Variants in UBE3D observed in about 807,000 individuals in gnomAD.
UBE3D encodes the protein ubiquitin protein ligase E3D.
Under a neutral mutation model 49.6 loss-of-function variants are expected in UBE3D, and 48 were observed. The ratio of observed to expected loss-of-function variants is 0.97; its 90% confidence interval spans 0.77 to 1.23. The LOEUF (loss-of-function observed/expected upper bound fraction) is 1.23. Ranked by LOEUF, UBE3D falls within the 50% of genes most tolerant of loss-of-function variation. UBE3D has a pLI of 0.00. For synonymous variants in UBE3D, 189 were observed against 174.2 expected (o/e 1.08, Z -0.67); for missense variants, 452 against 468.4 (o/e 0.96, Z 0.32).
rs7766078 is a variant in UBE3D, at chr6:83,025,972, A to G, written c.668-1934T>C. On this transcript the variant is annotated intron_variant, in intron 5 of 9. Coordinates refer to ENST00000369747, the MANE Select transcript of UBE3D (RefSeq NM_198920.3). ...AAGAATTTATTTCAAAAAAATACTC[A>G]CTGGTATATGAAAACACTTATCTAT... is the stretch of plus-strand genomic sequence containing the variant. Among the ~76,000 whole-genome samples the G allele has an allele frequency of 2.9e-3, 441 of 151,756 alleles. 4 individuals carry two copies. Among genetic ancestry groups the G allele is most frequent in the African/African-American group, 9.6e-3 (398 of 41,284 alleles).
At chr6:82,996,551 T>C (rs1232370508) in intron 8 of UBE3D, among the ~76,000 whole-genome samples, 2 of 152,110 alleles carry the variant, frequency 1.3e-5, no homozygotes, top group African/African-American at 4.8e-5. Flanking sequence ...CTGGATTTAG[T>C]GACTCAATTC....
the UBE3D span, among the ~76,000 whole-genome samples, chr6:82,887,216 G>T: frequency 6.6e-6 from 1 of 151,208 alleles, no homozygotes; most frequent in South Asian, 2.1e-4. Flanking sequence ...CTACTTGGGA[G>T]GCTGAGGCAG....
At chr6:82,963,400 G>A (rs1021720300) in intron 8 of UBE3D, among the ~76,000 whole-genome samples, 5 of 152,044 alleles carry the variant, frequency 3.3e-5, no homozygotes, top group Non-Finnish European at 7.4e-5. Context: ...GTTCTCTAGA[G>A]AAACAGAACT....
intron 3 of UBE3D, among the ~76,000 whole-genome samples, chr6:83,053,552 TA>T (rs540951692): frequency 2.6e-5 from 4 of 151,958 alleles, no homozygotes; most frequent in Non-Finnish European, 5.9e-5. Context: ...TTAGGGACTG[TA>T]AAAAAACCCA....
chr6:82,956,221 G>A (rs1776146371), intron 9 of UBE3D, among the ~76,000 whole-genome samples: 2 of 152,154 alleles, frequency 1.3e-5, no homozygotes, highest in Non-Finnish European at 2.9e-5. Flanking sequence ...AACAACCCAT[G>A]TTTATTTATT....
At chr6:83,015,212 A>G (rs918873584) in intron 8 of UBE3D, among the ~76,000 whole-genome samples, 3 of 152,128 alleles carry the variant, frequency 2.0e-5, no homozygotes, top group African/African-American at 7.2e-5. Flanking sequence ...GCCTTCACAA[A>G]TCTACTTCAC....
intron 1 of UBE3D, among the ~76,000 whole-genome samples, chr6:83,062,593 T>A (rs752439517): frequency 3.3e-5 from 5 of 152,140 alleles, no homozygotes; most frequent in African/African-American, 9.7e-5. Flanking sequence ...CTATAAAATA[T>A]ACTAAACATT....
chr6:83,006,395 A>C (rs1383699211), intron 8 of UBE3D, among the ~76,000 whole-genome samples: 1 of 152,146 alleles, frequency 6.6e-6, no homozygotes, highest in African/African-American at 2.4e-5. Context: ...TGGAGATAGG[A>C]GGTCATTAAG....
At chr6:82,901,080 A>G (rs1771696810) in intron 9 of UBE3D, among the ~76,000 whole-genome samples, 1 of 152,218 alleles carries the variant, frequency 6.6e-6, no homozygotes, top group Non-Finnish European at 1.5e-5. Context: ...CTTAGGGATA[A>G]CTACTATTAA....
At chr6:82,957,132 AAAACAAAC>A (rs534791837) in intron 9 of UBE3D, among the ~76,000 whole-genome samples, 172 bp downstream of exon 9, 32 of 152,248 alleles carry the variant, frequency 2.1e-4, no homozygotes, top group African/African-American at 7.2e-4. Context: ...CTGCCTCCAA[AAAACAAAC>A]AAACAAACAA....
intron 9 of UBE3D, among the ~76,000 whole-genome samples, chr6:82,934,745 T>G (rs1255414879): frequency 2.6e-5 from 4 of 151,134 alleles, no homozygotes; most frequent in Non-Finnish European, 5.9e-5. Flanking sequence ...TAGGCTATGT[T>G]AATATCTTCA....
At chr6:82,943,171 T>C (rs763893118) in intron 9 of UBE3D, among the ~76,000 whole-genome samples, 6 of 152,212 alleles carry the variant, frequency 3.9e-5, no homozygotes, top group Non-Finnish European at 8.8e-5. Flanking sequence ...TGTAGCCCCT[T>C]TGTTTTGGCC....
At chr6:83,064,023 A>G (rs1356049947) in intron 1 of UBE3D, among the ~76,000 whole-genome samples, 1 of 152,230 alleles carries the variant, frequency 6.6e-6, no homozygotes, top group East Asian at 1.9e-4. Context: ...GAATTGTGGT[A>G]TATTCATACA....
intron 9 of UBE3D, among the ~76,000 whole-genome samples, chr6:82,907,355 A>C (rs1355542436): frequency 3.3e-5 from 5 of 152,220 alleles, no homozygotes; most frequent in African/African-American, 1.2e-4. Context: ...CTCTAAACTC[A>C]CAGGATGTTT....
At chr6:82,941,441 GAA>G (rs1202069411) in intron 9 of UBE3D, among the ~76,000 whole-genome samples, 2 of 151,730 alleles carry the variant, frequency 1.3e-5, no homozygotes, top group Middle Eastern at 3.4e-3. Flanking sequence ...AAAGTATATA[GAA>G]AAAAAAGAGT....
Position 83,025,299 on chromosome 6 carries a change from T to C in UBE3D, c.668-1261A>G, listed in dbSNP as rs367731810. On this transcript the variant is annotated intron_variant, in intron 5 of 9. Transcript: ENST00000369747. ...GATATACAATTCTCACTAAATCTGG[T>C]TATCTGATTGCTTACAGAAAAATTT... Among the ~76,000 whole-genome samples, 3 of 152,356 alleles carry C rather than the reference T, an allele frequency of 2.0e-5. No homozygotes were observed. In the East Asian group the frequency reaches 5.8e-4, roughly 29 times the overall value.
At chr6:83,040,762 G>A (rs778083561) in intron 4 of UBE3D, among the ~76,000 whole-genome samples, 1 of 152,182 alleles carries the variant, frequency 6.6e-6, no homozygotes, top group Non-Finnish European at 1.5e-5. Flanking sequence ...CCCAAAGTGG[G>A]CCCCACAGTG....
intron 9 of UBE3D, among the ~76,000 whole-genome samples, chr6:82,950,916 T>A (rs1464215134): frequency 6.6e-6 from 1 of 151,448 alleles, no homozygotes; most frequent in Non-Finnish European, 1.5e-5. Flanking sequence ...ACAACTGAAT[T>A]CATGGAGACA....
In UBE3D at chr6:82,927,753, GGT is replaced by G. The variant is rs1773864170; in HGVS notation, c.1149+29557_1149+29558del. ...TTATAATCACTTATTAGTTTGGGAG[GGT>G]TTTTTTTTTTTTAATTCTTCAGGAT... On this transcript the variant is annotated intron_variant, in intron 9 of 9. Coordinates refer to ENST00000369747, the MANE Select transcript of UBE3D (RefSeq NM_198920.3). 3.7e-5 allele frequency among the ~76,000 whole-genome samples: 3 copies of G among 80,616 alleles called. No homozygotes were observed. In the South Asian group the frequency reaches 1.5e-3, roughly 39 times the overall value. The allele number at this position is 80,616 out of a possible 152,430, so 52.9% of individuals were successfully genotyped here.
Sources: allele counts gnomAD v4.1 joint callset (sites outside exome capture counted in the v4.1 genomes callset), GRCh38; gene constraint gnomAD v4.1.1; transcripts MANE v1.5; gene names NCBI Gene and HGNC (gene_info 2026-07-23, HGNC 2026-07-21).